Variants in PROB1 observed in about 807,000 individuals in gnomAD.
PROB1 encodes the protein proline-rich basic protein 1.
For synonymous variants in PROB1, 660 were observed against 699.3 expected (o/e 0.94, Z 0.89); for missense variants, 1,453 against 1,485.7 (o/e 0.98, Z 0.36).
Position 139,394,202 on chromosome 5 carries a change from T to G in PROB1, c.880A>C (p.Lys294Gln). ...ACGCGAAGTGGCCGAGACTTAGCCT[T>G]CTCCAGGACCACGTGGGTGCTGCGG... ...TARSTHVVLE[K>Q]AKSRPLRVRD... The change falls in exon 1 of 1, where the codon AAG becomes CAG. Residue 294 changes from lysine to glutamine, a missense_variant. Transcript: ENST00000434752. The G allele has an allele frequency of 1.9e-6, 3 of 1,548,042 alleles. No homozygotes were observed. The highest frequency in any genetic ancestry group is 2.6e-6 in the Non-Finnish European group (3 of 1,144,990).
Position 139,393,059 on chromosome 5 carries a change from C to A in PROB1, c.2023G>T (p.Ala675Ser). The A allele has an allele frequency of 6.5e-7, 1 of 1,530,604 alleles. No homozygotes were observed. Among genetic ancestry groups the A allele is most frequent in the Middle Eastern group, 1.7e-4 (1 of 5,874 alleles). 94.8% of individuals were successfully genotyped at this position (1,530,604 alleles called of 1,614,324 possible). A position where few individuals can be genotyped will look rare whatever the true frequency, so the allele number is the denominator to read the frequency against. Residue 675 changes from alanine to serine, a missense_variant, in exon 1 of 1, where the codon GCC becomes TCC. Transcript: ENST00000434752. ...AAAACGGAAGTGTAGTGAGCCGGGG[C>A]GGGGGGCCCCAGTGCTGGCGGCTCT... ...TQEPPALGPP[A>S]PAHYTSVFIK... is the part of the protein sequence containing the mutation.
Position 139,392,011 on chromosome 5 carries a change from T to G in PROB1, c.*23A>C, listed in dbSNP as rs1037866644. ...CTCCCAGGCATCCAAGGGCTCCAAC[T>G]CCATGGGGATCGGCCCGGGGCCTCA... On this transcript the variant is annotated 3_prime_UTR_variant, in exon 1 of 1. Coordinates refer to ENST00000434752, the MANE Select transcript of PROB1 (RefSeq NM_001161546.2). The surrounding 1 kb of genome is among the most constrained non-coding windows in gnomAD (Gnocchi z 5.8). 2 of 1,362,976 alleles carry G rather than the reference T, an allele frequency of 1.5e-6. No homozygotes were observed. The highest frequency in any genetic ancestry group is 6.1e-5 in the East Asian group (2 of 32,922). The allele number at this position is 1,362,976 out of a possible 1,614,324, so 84.4% of individuals were successfully genotyped here.
At position 139,394,017 on chromosome 5, in the gene PROB1, C is replaced by T; in HGVS notation, c.1065G>A (p.Lys355=). The T allele has an allele frequency of 4.5e-6, 7 of 1,550,736 alleles. No individual in the cohort carries two copies. Among genetic ancestry groups the T allele is most frequent in the Non-Finnish European group, 6.1e-6 (7 of 1,147,000 alleles). ...CCGGCGCCTCTCGCGGGAACCGAGT[C>T]TTCCGCGCCTCCTGGATCTTCTCCT... ...QSEEKIQEAR[K]TRFPREAPDR... The change falls in exon 1 of 1, where the codon AAG becomes AAA. Residue 355 remains lysine, a synonymous_variant. Coordinates refer to ENST00000434752, the MANE Select transcript of PROB1 (RefSeq NM_001161546.2).
In PROB1 at chr5:139,393,040, G is replaced by T. The variant is rs1357918197; in HGVS notation, c.2042C>A (p.Ser681Tyr). 2 of 1,528,698 alleles carry T rather than the reference G, an allele frequency of 1.3e-6. No homozygotes were observed. Among genetic ancestry groups the T allele is most frequent in the Non-Finnish European group, 1.8e-6 (2 of 1,136,688 alleles). 94.7% of individuals were successfully genotyped at this position (1,528,698 alleles called of 1,614,324 possible). The change falls in exon 1 of 1, where the codon TCC (serine) becomes TAC (tyrosine). Residue 681 changes from serine to tyrosine, a missense_variant. By Grantham distance (144) the Ser-to-Tyr change is moderately radical (BLOSUM62 -2). Coordinates refer to ENST00000434752, the MANE Select transcript of PROB1 (RefSeq NM_001161546.2). ...CGGTAGAAAATCCTTGATGAAAACG[G>T]AAGTGTAGTGAGCCGGGGCGGGGGG... ...LGPPAPAHYT[S>Y]VFIKDFLPVV...
Position 139,392,955 on chromosome 5 carries a change from G to C in PROB1, c.2127C>G (p.Ala709=). The C allele has an allele frequency of 6.6e-7, 1 of 1,508,766 alleles. No individual in the cohort carries two copies. The allele number at this position is 1,508,766 out of a possible 1,614,324, so 93.5% of individuals were successfully genotyped here. A position where few individuals can be genotyped will look rare whatever the true frequency, so the allele number is the denominator to read the frequency against. ...GCCGCAGGACCCCGTTGGGCTGTGA[G>C]GCGTCCCGGGCGACCGTGTCGAAGG... ...EPSFDTVARD[A]SQPNGVLRRR... The change falls in exon 1 of 1, where the codon GCC becomes GCG. Residue 709 remains alanine, a synonymous_variant. Transcript: ENST00000434752. The surrounding 1 kb of genome is among the most constrained non-coding windows in gnomAD (Gnocchi z 5.8).
In PROB1 at chr5:139,392,606, C is replaced by CG; in HGVS notation, c.2475dup (p.Glu826ArgfsTer84). 7.3e-7 allele frequency: 1 copy of CG among 1,369,728 alleles called. No homozygotes were observed. 84.8% of individuals were successfully genotyped at this position (1,369,728 alleles called of 1,614,324 possible). ...GGCGCCTGGACGGCAGCCGCGGGCT[C>CG]GGGGGCCGTAGGTGGTGTCTTCGGT... On this transcript the variant is annotated frameshift_variant, in exon 1 of 1. Transcript: ENST00000434752. LOFTEE classifies it low-confidence loss of function (END_TRUNC). This position sits in a 1 kb window ranked among gnomAD's most constrained non-coding sequence, Gnocchi z 5.8.
Position 139,393,638 on chromosome 5 carries a change from G to T in PROB1, c.1444C>A (p.Pro482Thr), listed in dbSNP as rs1001114950. Residue 482 changes from proline to threonine, a missense_variant, in exon 1 of 1, where the codon CCA (proline) becomes ACA (threonine). Physicochemically the swap from Pro to Thr is conservative, Grantham distance 38. Transcript: ENST00000434752. Reference protein sequence around the residue: ...SLEAPSLWEIPHSAVADAVEP... With the variant: ...SLEAPSLWEITHSAVADAVEP... Reference sequence around the variant, plus strand: ...ACCGCATCCGCGACTGCCGAATGTGGAATCTCCCACAGGGAAGGGGCTTCG... The same window carrying T: ...ACCGCATCCGCGACTGCCGAATGTGTAATCTCCCACAGGGAAGGGGCTTCG... 2.6e-6 allele frequency: 4 copies of T among 1,550,226 alleles called. No individual in the cohort carries two copies. The highest frequency in any genetic ancestry group is 3.5e-6 in the Non-Finnish European group (4 of 1,146,752).
Position 139,394,099 on chromosome 5 carries a change from G to A in PROB1, c.983C>T (p.Pro328Leu). The A allele has an allele frequency of 6.5e-7, 1 of 1,549,292 alleles. No individual in the cohort carries two copies. Among genetic ancestry groups the A allele is most frequent in the Non-Finnish European group, 8.7e-7 (1 of 1,146,048 alleles). The change falls in exon 1 of 1, where the codon CCT becomes CTT. Residue 328 changes from proline (P) to leucine (L), a missense_variant. Transcript: ENST00000434752. ...LRERAIRRDK[P>L]APGTEPLGPV... ...ACCCAGCGGCTCCGTCCCGGGCGCA[G>A]GCTTGTCGCGCCGAATCGCGCGCTC...
rs1221005103 is a variant in PROB1 at position 139,393,588 on chromosome 5, C to A, written c.1494G>T (p.Pro498=). The change falls in exon 1 of 1, where the codon CCG becomes CCT. Residue 498 remains proline, a synonymous_variant. Coordinates refer to ENST00000434752, the MANE Select transcript of PROB1 (RefSeq NM_001161546.2). ...DAVEPRSSPS[P]PAFFPWEAPD... ...GAGCCTCCCACGGGAAGAAGGCCGGCGGGGACGGGCTGCTACGTGGCTCCA... is the reference window on the plus strand; with the variant it reads ...GAGCCTCCCACGGGAAGAAGGCCGGAGGGGACGGGCTGCTACGTGGCTCCA... The A allele has an allele frequency of 6.4e-7, 1 of 1,550,806 alleles. No individual in the cohort carries two copies. Among genetic ancestry groups the A allele is most frequent in the Non-Finnish European group, 8.7e-7 (1 of 1,146,892 alleles).
rs1353708925 is a variant in PROB1, at chr5:139,393,342, C to T, written c.1740G>A (p.Gln580=). The change falls in exon 1 of 1, where the codon CAG becomes CAA. Residue 580 remains glutamine, a synonymous_variant. Coordinates refer to ENST00000434752, the MANE Select transcript of PROB1 (RefSeq NM_001161546.2). The part of the protein sequence containing the change: ...ISDLAFGGSQ[Q]SPEVAAPEPP... ...GCTCGGGTGCTGCTACCTCTGGGGA[C>T]TGCTGACTCCCTCCAAAGGCAAGAT... 1 of 1,551,192 alleles carries T rather than the reference C, an allele frequency of 6.4e-7. No homozygotes were observed. Among genetic ancestry groups the T allele is most frequent in the East Asian group, 2.4e-5 (1 of 40,936 alleles).
chr5:139,394,782 C>T lies in PROB1; in HGVS notation c.300G>A (p.Gln100=). 1 of 1,529,888 alleles carries T rather than the reference C, an allele frequency of 6.5e-7. No individual in the cohort carries two copies. The highest frequency in any genetic ancestry group is 8.8e-7 in the Non-Finnish European group (1 of 1,139,452). The allele number at this position is 1,529,888 out of a possible 1,614,324, so 94.8% of individuals were successfully genotyped here. A position where few individuals can be genotyped will look rare whatever the true frequency, so the allele number is the denominator to read the frequency against. The change falls in exon 1 of 1, where the codon CAG becomes CAA. Residue 100 remains glutamine, a synonymous_variant. Coordinates refer to ENST00000434752, the MANE Select transcript of PROB1 (RefSeq NM_001161546.2). Reference sequence around the variant, plus strand: ...CCGACGGCAGCGTGCGCAGCTGGGGCTGGGGTGGCCGTGGGCCGGAACCTG... The same window carrying T: ...CCGACGGCAGCGTGCGCAGCTGGGGTTGGGGTGGCCGTGGGCCGGAACCTG... ...RGPGSGPRPP[Q]PQLRTLPSGE...
In PROB1 at chr5:139,393,723, A is replaced by G; in HGVS notation, c.1359T>C (p.Pro453=). ...AVEETVSRRS[P]SPPILSQWNQ... ...TCCACTGGGAAAGGATCGGAGGGGA[A>G]GGGCTTCTCCTGCTGACAGTTTCCT... The change falls in exon 1 of 1, where the codon CCT becomes CCC. Residue 453 remains proline (P), a synonymous_variant. Transcript: ENST00000434752. 1 of 1,551,340 alleles carries G rather than the reference A, an allele frequency of 6.4e-7. No individual in the cohort carries two copies. Among genetic ancestry groups the G allele is most frequent in the Non-Finnish European group, 8.7e-7 (1 of 1,146,978 alleles).
rs1758641302 is a variant in PROB1, at chr5:139,393,779, A to T, written c.1303T>A (p.Ser435Thr). Residue 435 changes from serine (S) to threonine (T), a missense_variant, in exon 1 of 1, where the codon TCC becomes ACC. Coordinates refer to ENST00000434752, the MANE Select transcript of PROB1 (RefSeq NM_001161546.2). ...GCAGGATTTTGATTTTCCCACTCGGAGGAGGCTTCAGGGAACAATGGGCTA... is the reference window on the plus strand; with the variant it reads ...GCAGGATTTTGATTTTCCCACTCGGTGGAGGCTTCAGGGAACAATGGGCTA... ...VSSPLFPEAS[S>T]EWENQNPAVE... is the part of the protein sequence containing the mutation. The T allele has an allele frequency of 1.3e-6, 2 of 1,551,360 alleles. No individual in the cohort carries two copies. The highest frequency in any genetic ancestry group is 1.7e-6 in the Non-Finnish European group (2 of 1,146,964).
chr5:139,394,368 G>A lies in PROB1; in HGVS notation c.714C>T (p.Asp238=), dbSNP rs1291811160. 1.4e-6 allele frequency: 2 copies of A among 1,414,094 alleles called. No homozygotes were observed. The highest frequency in any genetic ancestry group is 1.5e-5 in the African/African-American group (1 of 66,018). The allele number at this position is 1,414,094 out of a possible 1,614,324, so 87.6% of individuals were successfully genotyped here. A position where few individuals can be genotyped will look rare whatever the true frequency, so the allele number is the denominator to read the frequency against. Residue 238 remains aspartate, a synonymous_variant, in exon 1 of 1, where the codon GAC becomes GAT. Transcript: ENST00000434752. Reference sequence around the variant, plus strand: ...CGGCCTGCAGGGGGCCCAGCGACTCGTCCAGGGAACCGGTGCGCAGGAGCA... The same window carrying A: ...CGGCCTGCAGGGGGCCCAGCGACTCATCCAGGGAACCGGTGCGCAGGAGCA... ...PRLLLRTGSL[D]ESLGPLQAAA...
At position 139,393,675 on chromosome 5, in the gene PROB1, C is replaced by G; in HGVS notation, c.1407G>C (p.Arg469Ser). The G allele has an allele frequency of 6.4e-7, 1 of 1,550,882 alleles. No homozygotes were observed. The highest frequency in any genetic ancestry group is 8.7e-7 in the Non-Finnish European group (1 of 1,146,914). The change falls in exon 1 of 1, where the codon AGG becomes AGC. Residue 469 changes from arginine (R) to serine (S), a missense_variant. Transcript: ENST00000434752. ...SQWNQCVAGE[R>S]SPSLEAPSLW... ...GGGAAGGGGCTTCGAGGGACGGGCT[C>G]CTTTCCCCAGCAACACACTGATTCC...
chr5:139,394,983 G>A lies in PROB1; in HGVS notation c.99C>T (p.Ser33=). 3 of 1,506,672 alleles carry A rather than the reference G, an allele frequency of 2.0e-6. No homozygotes were observed. The highest frequency in any genetic ancestry group is 2.7e-6 in the Non-Finnish European group (3 of 1,129,828). 93.3% of individuals were successfully genotyped at this position (1,506,672 alleles called of 1,614,324 possible). The change falls in exon 1 of 1, where the codon TCC becomes TCT. Residue 33 remains serine, a synonymous_variant. Transcript: ENST00000434752. ...CCGGAGAACCTGGAGCCGTGTAGTA[G>A]GAGCCTGACGAACCGGAGGAGTCCT... ...RRQDSSGSSG[S]YYTAPGSPEP...
chr5:139,393,276 C>T lies in PROB1; in HGVS notation c.1806G>A (p.Lys602=). The part of the protein sequence containing the change: ...SHPVGTLDAD[K]CPEVLGPGEA... ...CTCCAGGACCCAAGACTTCCGGGCA[C>T]TTATCCGCGTCCAGGGTGCCCACAG... The change falls in exon 1 of 1, where the codon AAG becomes AAA. Residue 602 remains lysine (K), a synonymous_variant. Transcript: ENST00000434752. 1 of 1,549,988 alleles carries T rather than the reference C, an allele frequency of 6.5e-7. No homozygotes were observed. Among genetic ancestry groups the T allele is most frequent in the Non-Finnish European group, 8.7e-7 (1 of 1,146,990 alleles).
rs1561988257 is a variant in PROB1, at chr5:139,391,781, C to T, written c.*253G>A. 7.6e-6 allele frequency: 3 copies of T among 394,922 alleles called. No individual in the cohort carries two copies. Among genetic ancestry groups the T allele is most frequent in the African/African-American group, 2.1e-5 (1 of 48,506 alleles). 24.5% of individuals were successfully genotyped at this position (394,922 alleles called of 1,614,324 possible). A position where few individuals can be genotyped will look rare whatever the true frequency, so the allele number is the denominator to read the frequency against. On this transcript the variant is annotated 3_prime_UTR_variant, in exon 1 of 1. Transcript: ENST00000434752. The surrounding 1 kb of genome is among the most constrained non-coding windows in gnomAD (Gnocchi z 4.8). Reference sequence around the variant, plus strand: ...ACACACACCCACACACCACACCACACCACGCCCTGGGAATGCCTGGGAAAG... The same window carrying T: ...ACACACACCCACACACCACACCACATCACGCCCTGGGAATGCCTGGGAAAG...
rs1758639959 is a variant in PROB1, at chr5:139,393,705, G to T, written c.1377C>A (p.Ser459=). 1 of 1,551,082 alleles carries T rather than the reference G, an allele frequency of 6.4e-7. No individual in the cohort carries two copies. The highest frequency in any genetic ancestry group is 1.4e-5 in the African/African-American group (1 of 73,014). The change falls in exon 1 of 1, where the codon TCC becomes TCA. Residue 459 remains serine (S), a synonymous_variant. Transcript: ENST00000434752. ...CCCCAGCAACACACTGATTCCACTG[G>T]GAAAGGATCGGAGGGGAAGGGCTTC... is the stretch of plus-strand genomic sequence containing the variant. The part of the protein sequence containing the change: ...SRRSPSPPIL[S]QWNQCVAGER...
Sources: gnomAD v4.1 joint callset for allele counts on GRCh38, gnomAD v4.1.1 for gene constraint, Gnocchi (gnomAD v3.1) non-coding constraint, MANE v1.5 for transcripts, NCBI Gene and HGNC (gene_info 2026-07-23, HGNC 2026-07-21) for gene names.